HDAC4: variants seen among roughly 807,000 people sequenced by gnomAD.
The protein encoded by HDAC4 is histone deacetylase A.
HDAC4 carries 16 observed loss-of-function variants against 135.1 expected under a neutral mutation model. That is an observed-to-expected ratio of 0.12 (90% CI 0.08 to 0.18). HDAC4 has a LOEUF of 0.18. Ranked by LOEUF, HDAC4 falls within the 10% of genes least tolerant of loss-of-function variation. The probability of loss-of-function intolerance (pLI) is 1.00; values close to 1 mark genes in which losing one functional copy is unlikely to be tolerated. For synonymous variants in HDAC4, 685 were observed against 653.4 expected (o/e 1.05, Z -0.74); for missense variants, 1,143 against 1,511.8 (o/e 0.76, Z 4.05).
Position 239,139,188 on chromosome 2 carries a change from G to C in HDAC4, c.978+496C>G, listed in dbSNP as rs1218029163. On this transcript the variant is annotated intron_variant, in intron 9 of 26. Transcript: ENST00000543185. The surrounding 1 kb of genome is among the most constrained non-coding windows in gnomAD (Gnocchi z 5.3). ...GCTGACCACGGGTGACGCTCCAGTCGGCCCTGACACATAGTTTGTTGGCCG... is the reference window on the plus strand; with the variant it reads ...GCTGACCACGGGTGACGCTCCAGTCCGCCCTGACACATAGTTTGTTGGCCG... 2.0e-5 allele frequency among the ~76,000 whole-genome samples: 3 copies of C among 152,074 alleles called. No individual in the cohort carries two copies. Among genetic ancestry groups the C allele is most frequent in the Non-Finnish European group, 4.4e-5 (3 of 67,972 alleles).
intron 22 of HDAC4, among the ~76,000 whole-genome samples, chr2:239,078,650 G>A (rs1023097414): frequency 3.3e-4 from 50 of 152,356 alleles, no homozygotes; most frequent in African/African-American, 1.2e-3. Context: ...CACACGCCAA[G>A]AGCAACTCAG....
chr2:239,104,322 G>A (rs1005090779), intron 15 of HDAC4, among the ~76,000 whole-genome samples: 1 of 152,092 alleles, frequency 6.6e-6, no homozygotes, highest in African/African-American at 2.4e-5. Context: ...TCCATCTCCC[G>A]GGTTCAAGTG....
intron 4 of HDAC4, among the ~76,000 whole-genome samples, chr2:239,180,093 G>A (rs2153011845): frequency 6.6e-6 from 1 of 152,274 alleles, no homozygotes; most frequent in South Asian, 2.1e-4. Context: ...ATCTTGCTGG[G>A]TCCTTCTTCA....
At position 239,360,596 on chromosome 2, in the gene HDAC4, G is replaced by A. The variant is rs773104560; in HGVS notation, c.-219-7678C>T. Among the ~76,000 whole-genome samples, 84 of 152,144 alleles carry A rather than the reference G, an allele frequency of 5.5e-4. 1 individual carries two copies. Among genetic ancestry groups the A allele is most frequent in the Non-Finnish European group, 3.4e-4 (23 of 68,036 alleles). ...GGAACATGTATCTCTTCACACCCCC[G>A]GACTCTGGCTTGGAAAAAAGTACTA... On this transcript the variant is annotated intron_variant, in intron 1 of 26. Coordinates refer to ENST00000543185, the MANE Select transcript of HDAC4 (RefSeq NM_001378414.1).
chr2:239,124,168 T>C (rs1344889959), intron 12 of HDAC4, among the ~76,000 whole-genome samples: 1 of 152,198 alleles, frequency 6.6e-6, no homozygotes, highest in African/African-American at 2.4e-5. Flanking sequence ...TCACATACCA[T>C]CCAATTCACG....
At chr2:239,294,348 G>A (rs530114614) in intron 2 of HDAC4, among the ~76,000 whole-genome samples, 1 of 152,268 alleles carries the variant, frequency 6.6e-6, no homozygotes, top group Non-Finnish European at 1.5e-5. Context: ...AGGCCTGACT[G>A]ATCAGATCTG....
At chr2:239,265,574 G>T (rs2049670331) in intron 2 of HDAC4, among the ~76,000 whole-genome samples, 2 of 151,336 alleles carry the variant, frequency 1.3e-5, no homozygotes, top group Admixed American at 6.6e-5. Flanking sequence ...CCCTCCCTTT[G>T]CCCCTGACTC....
intron 9 of HDAC4, among the ~76,000 whole-genome samples, chr2:239,137,929 T>C (rs3791471): frequency 0.24 from 36,391 of 152,146 alleles, 5,364 homozygotes; most frequent in African/African-American, 0.41. Flanking sequence ...TTACGTATCG[T>C]GATTTCTAAA....
chr2:239,272,534 T>C (rs1475972005), intron 2 of HDAC4, among the ~76,000 whole-genome samples: 1 of 152,232 alleles, frequency 6.6e-6, no homozygotes, highest in African/African-American at 2.4e-5. Flanking sequence ...AGATGCACAA[T>C]GGCCCATGAG....
intron 2 of HDAC4, among the ~76,000 whole-genome samples, chr2:239,305,255 A>G (rs565326390): frequency 6.6e-6 from 1 of 152,374 alleles, no homozygotes; most frequent in South Asian, 2.1e-4. Flanking sequence ...CCAGGTTGGT[A>G]GTCAGGTTTC....
rs182158312 is a variant in HDAC4, at chr2:239,292,496, T to C, written c.23-55832A>G. The stretch of plus-strand genomic sequence containing the variant: ...GAAGGGCTGGCAGTGACCCCACCAC[T>C]CCAGCGAGAAACCAGTACCCCTGTG... On this transcript the variant is annotated intron_variant, in intron 2 of 26. Coordinates refer to ENST00000543185, the MANE Select transcript of HDAC4 (RefSeq NM_001378414.1). 2.6e-5 allele frequency among the ~76,000 whole-genome samples: 4 copies of C among 152,176 alleles called. No homozygotes were observed. The East Asian group carries it at 7.7e-4, about 29-fold the overall frequency.
Position 239,333,699 on chromosome 2 carries a change from T to A in HDAC4, c.22+18979A>T, listed in dbSNP as rs143671587. 2.5e-4 allele frequency among the ~76,000 whole-genome samples: 38 copies of A among 152,166 alleles called. 2 individuals carry two copies. The Middle Eastern group carries it at 0.014, about 54-fold the overall frequency. On this transcript the variant is annotated intron_variant, in intron 2 of 26. Coordinates refer to ENST00000543185, the MANE Select transcript of HDAC4 (RefSeq NM_001378414.1). ...TACATTAAGTTGAACCAAATGAAAA[T>A]ACCATTTTTTGTAGATGGAAAAAGA...
rs2106391534 is a variant in HDAC4 at position 239,053,581 on chromosome 2, G to A, written c.3109C>T (p.Gln1037Ter). ...EIHSKYWRCLQRTTSTAGRSL... is the reference protein window; with the variant it reads ...EIHSKYWRCL ...CGCCCCGCTGTGGAGGTTGTGCGCTGCAGGCAGCGCCAGTACTTGCCTGGG... is the reference window on the plus strand; with the variant it reads ...CGCCCCGCTGTGGAGGTTGTGCGCTACAGGCAGCGCCAGTACTTGCCTGGG... Residue 1037 changes from glutamine to a stop codon, truncating the protein, a stop_gained, in exon 26 of 27, where the codon CAG becomes TAG. Transcript: ENST00000543185. LOFTEE classifies it high-confidence loss of function. 1 of 1,613,816 alleles carries A rather than the reference G, an allele frequency of 6.2e-7. No homozygotes were observed. Among genetic ancestry groups the A allele is most frequent in the Non-Finnish European group, 8.5e-7 (1 of 1,179,974 alleles).
At chr2:239,320,145 G>A (rs555186232) in intron 2 of HDAC4, among the ~76,000 whole-genome samples, 2 of 152,270 alleles carry the variant, frequency 1.3e-5, no homozygotes, top group East Asian at 3.9e-4. Context: ...CACTTTGGGA[G>A]GCCGAAGCAG....
intron 21 of HDAC4, among the ~76,000 whole-genome samples, chr2:239,081,850 CCT>C (rs1312967852): frequency 6.6e-6 from 1 of 152,254 alleles, no homozygotes; most frequent in Non-Finnish European, 1.5e-5. Flanking sequence ...TTCACAAACA[CCT>C]CTGTCTGCCT....
chr2:239,149,686 G>A (rs1202741602), intron 7 of HDAC4, among the ~76,000 whole-genome samples: 2 of 152,148 alleles, frequency 1.3e-5, no homozygotes, highest in African/African-American at 2.4e-5. Context: ...AGCCACCCTC[G>A]ACTTTGAAGC....
intron 2 of HDAC4, among the ~76,000 whole-genome samples, chr2:239,259,259 G>A (rs150127067): frequency 0.021 from 3,259 of 152,264 alleles, 119 homozygotes; most frequent in African/African-American, 0.075. Context: ...GACCAGCCTG[G>A]GCAACAAGGT....
chr2:239,129,761 T>C (rs2040442162), intron 11 of HDAC4, among the ~76,000 whole-genome samples: 1 of 152,106 alleles, frequency 6.6e-6, no homozygotes, highest in African/African-American at 2.4e-5. Context: ...ACAATCACAA[T>C]AATTGCAATG....
At chr2:239,221,040 G>A (rs1467370529) in intron 3 of HDAC4, among the ~76,000 whole-genome samples, 1 of 152,180 alleles carries the variant, frequency 6.6e-6, no homozygotes, top group African/African-American at 2.4e-5. Flanking sequence ...AGCTCATTCT[G>A]CGGGCGGTGG....
Sources: gnomAD v4.1 joint callset for allele counts (sites outside exome capture counted in the v4.1 genomes callset) on GRCh38, gnomAD v4.1.1 for gene constraint, Gnocchi (gnomAD v3.1) non-coding constraint, MANE v1.5 for transcripts, NCBI Gene and HGNC (gene_info 2026-07-23, HGNC 2026-07-21) for gene names.